The following RIIAD1 variants were observed in gnomAD, a reference collection of about 807,000 sequenced individuals.
The protein encoded by RIIAD1 is regulatory subunit of type II PKA R-subunit domain containing 1, also known as RIIa domain-containing protein 1.
A neutral mutation model predicts 13.3 loss-of-function variants in RIIAD1; 15 were observed. The observed-to-expected ratio is 1.13, with a 90% CI of 0.76 to 1.74. RIIAD1 has a LOEUF of 1.74. RIIAD1 is among the 40% of genes most tolerant of loss of function. RIIAD1 has a pLI of 0.00. For synonymous variants in RIIAD1, 50 were observed against 43.3 expected, an observed-to-expected ratio of 1.16 and a Z score of -0.61; for missense variants, 121 against 112.2, an observed-to-expected ratio of 1.08 and a Z score of -0.35.
intron 3 of RIIAD1, among the ~76,000 whole-genome samples, chr1:151,728,197 G>A (rs1673866154): frequency 6.6e-6 from 1 of 152,226 alleles, no homozygotes; most frequent in Admixed American, 6.5e-5. Context: ...GCCTTTGCTA[G>A]CGCAGCAGAT....
intron 2 of RIIAD1, among the ~76,000 whole-genome samples, chr1:151,723,648 C>T (rs1239275912): frequency 3.3e-5 from 5 of 151,884 alleles, no homozygotes; most frequent in East Asian, 1.9e-4. Flanking sequence ...TGCAGTGAGC[C>T]GAGATTGCGC....
At chr1:151,725,302 G>A (rs1673808367) in intron 2 of RIIAD1, among the ~76,000 whole-genome samples, 1 of 151,510 alleles carries the variant, frequency 6.6e-6, no homozygotes, top group Non-Finnish European at 1.5e-5. Context: ...AGTAGAGATG[G>A]GGTTTCACTA....
At chr1:151,716,677 C>A, upstream of RIIAD1, 1 of 313,754 alleles carries the variant, frequency 3.2e-6, no homozygotes. Flanking sequence ...CAGCCCCCCT[C>A]CCACCCCCAC....
intron 1 of RIIAD1, chr1:151,721,842 C>T: frequency 1.7e-6 from 1 of 584,006 alleles, no homozygotes; most frequent in Non-Finnish European, 3.0e-6. Context: ...AACTCAGGGA[C>T]TCGGCCAGAG....
chr1:151,727,669 G>T, intron 3 of RIIAD1, 48 bp downstream of exon 3: 1 of 1,311,740 alleles, frequency 7.6e-7, no homozygotes, highest in Non-Finnish European at 1.1e-6. Context: ...GCCAGCGCAG[G>T]GAGCATGATT....
upstream of RIIAD1, among the ~76,000 whole-genome samples, chr1:151,717,379 T>C (rs752109409): frequency 6.6e-6 from 1 of 152,208 alleles, no homozygotes; most frequent in Non-Finnish European, 1.5e-5. Context: ...AAGAGAACTG[T>C]ATATTTTCCA....
intron 2 of RIIAD1, among the ~76,000 whole-genome samples, chr1:151,722,626 A>C (rs1673758775): frequency 6.6e-6 from 1 of 152,258 alleles, no homozygotes. Flanking sequence ...AATTAAAAAA[A>C]TAAATCACGG....
At chr1:151,715,984 GC>G in intron 4 of RIIAD1, 1 of 1,614,082 alleles carries the variant, frequency 6.2e-7, no homozygotes, top group South Asian at 1.1e-5. Context: ...CTCGGGATCT[GC>G]CCCACAAACA....
rs555167023 is a variant in RIIAD1, at chr1:151,726,968, C to T, written c.162-607C>T. Reference sequence around the variant, plus strand: ...CATGTTCTTCATCTTTGCCTCTTGCCCCTGGCTTGAGATCTGGTTCAGTGA... The same window carrying T: ...CATGTTCTTCATCTTTGCCTCTTGCTCCTGGCTTGAGATCTGGTTCAGTGA... On this transcript the variant is annotated intron_variant, in intron 2 of 4. Coordinates refer to ENST00000479191, the MANE Select transcript of RIIAD1 (RefSeq NM_001144956.3). 2.6e-5 allele frequency among the ~76,000 whole-genome samples: 4 copies of T among 152,290 alleles called. No individual in the cohort carries two copies. In the South Asian group the frequency reaches 8.3e-4, roughly 32 times the overall value.
At chr1:151,726,572 C>G (rs1367136160) in intron 2 of RIIAD1, among the ~76,000 whole-genome samples, 1 of 152,118 alleles carries the variant, frequency 6.6e-6, no homozygotes, top group Non-Finnish European at 1.5e-5. Flanking sequence ...CCTGGGCCCT[C>G]TTTACTTCAT....
chr1:151,716,602 T>A (rs375117187), upstream of RIIAD1: 1 of 347,584 alleles, frequency 2.9e-6, no homozygotes, highest in Non-Finnish European at 5.9e-6. Flanking sequence ...AGATGCTTGA[T>A]CTCTGATGGC....
At chr1:151,716,218 A>G in intron 4 of RIIAD1, 1 of 566,554 alleles carries the variant, frequency 1.8e-6, no homozygotes. Flanking sequence ...GCTAGGGGTC[A>G]GGGGTCTAGG....
rs189346447 is a variant in RIIAD1, at chr1:151,726,552, A to G, written c.162-1023A>G. On this transcript the variant is annotated intron_variant, in intron 2 of 4. Coordinates refer to ENST00000479191, the MANE Select transcript of RIIAD1 (RefSeq NM_001144956.3). Reference sequence around the variant, plus strand: ...ATATTATAGAGGGCACTGACCTTGGAGTCACAAGACCTGGGCCCTCTTTAC... The same window carrying G: ...ATATTATAGAGGGCACTGACCTTGGGGTCACAAGACCTGGGCCCTCTTTAC... Among the ~76,000 whole-genome samples the G allele has an allele frequency of 2.4e-4, 36 of 152,284 alleles. No individual in the cohort carries two copies. In the East Asian group the frequency reaches 6.6e-3, roughly 28 times the overall value.
chr1:151,716,552 G>A (rs181139473), upstream of RIIAD1: 455 of 338,032 alleles, frequency 1.3e-3, 7 homozygotes, highest in East Asian at 0.033. Flanking sequence ...CACCTCCCCT[G>A]TGGCGGATCC....
chr1:151,714,202 C>A (rs1477135508), intron 3 of RIIAD1, among the ~76,000 whole-genome samples: 10 of 152,154 alleles, frequency 6.6e-5, no homozygotes, highest in Non-Finnish European at 1.5e-4. Flanking sequence ...CTCACAGCCA[C>A]CCAGCCTGCC....
chr1:151,725,179 C>T (rs541045046), intron 2 of RIIAD1, among the ~76,000 whole-genome samples: 6 of 131,862 alleles, frequency 4.6e-5, no homozygotes, highest in South Asian at 2.5e-4. Context: ...GGCGCAATAT[C>T]GGCTCACTGC....
chr1:151,715,943 G>A, intron 4 of RIIAD1: 1 of 1,614,186 alleles, frequency 6.2e-7, no homozygotes, highest in Non-Finnish European at 8.5e-7. Context: ...ACTGTTCGAA[G>A]ATGGGCTTCA....
chr1:151,714,301 C>G (rs1450969769), intron 3 of RIIAD1: 3 of 580,342 alleles, frequency 5.2e-6, no homozygotes, highest in South Asian at 2.2e-5. Flanking sequence ...CACCTTCCAA[C>G]CAGCGAGTCC....
At chr1:151,718,541 T>C (rs1232525794), upstream of RIIAD1, among the ~76,000 whole-genome samples, 2 of 152,222 alleles carry the variant, frequency 1.3e-5, no homozygotes, top group African/African-American at 4.8e-5. Flanking sequence ...ACTGCTTGAT[T>C]CTGTGGACCA....
Sources: gnomAD v4.1 joint callset for allele counts (sites outside exome capture counted in the v4.1 genomes callset) on GRCh38, gnomAD v4.1.1 for gene constraint, MANE v1.5 for transcripts, NCBI Gene and HGNC (gene_info 2026-07-23, HGNC 2026-07-21) for gene names.